The following CYTH1 variants were observed in gnomAD, a reference collection of about 807,000 sequenced individuals.
CYTH1 encodes cytohesin 1.
Under a neutral mutation model 61.8 loss-of-function variants are expected in CYTH1, and 18 were observed. That is an observed-to-expected ratio of 0.29 (90% CI 0.20 to 0.43). The LOEUF (loss-of-function observed/expected upper bound fraction) is 0.43, where lower values mean the gene tolerates loss of function less well. Ranked by LOEUF, CYTH1 falls within the 20% of genes least tolerant of loss-of-function variation. The probability of loss-of-function intolerance (pLI) is 1.00; values close to 1 mark genes in which losing one functional copy is unlikely to be tolerated. For synonymous variants in CYTH1, 174 were observed against 184.3 expected (o/e 0.94, Z 0.45); for missense variants, 336 against 510.5 (o/e 0.66, Z 3.29).
At chr17:78,733,525 C>T (rs573590475) in intron 1 of CYTH1, among the ~76,000 whole-genome samples, 10 of 152,322 alleles carry the variant, frequency 6.6e-5, no homozygotes, top group Admixed American at 2.0e-4. Flanking sequence ...CTGCCATAGG[C>T]GCAGCCTGTG....
intron 1 of CYTH1, among the ~76,000 whole-genome samples, chr17:78,781,004 C>T (rs1416933622): frequency 6.6e-6 from 1 of 150,746 alleles, no homozygotes; most frequent in Non-Finnish European, 1.5e-5. Context: ...AGTGAGACTC[C>T]GTTTCAAAAA....
At chr17:78,778,085 T>C (rs988270030) in intron 1 of CYTH1, among the ~76,000 whole-genome samples, 10 of 151,678 alleles carry the variant, frequency 6.6e-5, no homozygotes, top group African/African-American at 9.7e-5. Flanking sequence ...GGCAGATCAA[T>C]TGAGGTCAGG....
chr17:78,730,022 T>C (rs934237760), intron 1 of CYTH1, among the ~76,000 whole-genome samples: 1 of 152,206 alleles, frequency 6.6e-6, no homozygotes, highest in African/African-American at 2.4e-5. Context: ...CAGCCACTTA[T>C]ATTTGCTCAG....
intron 10 of CYTH1, among the ~76,000 whole-genome samples, chr17:78,693,339 A>T (rs2092907750): frequency 6.6e-6 from 1 of 152,104 alleles, no homozygotes; most frequent in African/African-American, 2.4e-5. Flanking sequence ...CACTGGGGTC[A>T]TGGCTAGGCA....
chr17:78,711,481 T>C (rs1351284823), intron 1 of CYTH1, among the ~76,000 whole-genome samples: 2 of 152,042 alleles, frequency 1.3e-5, no homozygotes, highest in Non-Finnish European at 2.9e-5. Context: ...ATGGCTCATA[T>C]TATATTTCTA....
intron 1 of CYTH1, among the ~76,000 whole-genome samples, chr17:78,753,338 C>G (rs1330184989): frequency 1.3e-5 from 2 of 151,988 alleles, no homozygotes; most frequent in African/African-American, 4.8e-5. Context: ...AAAAACAAGT[C>G]ACAAGGCCGG....
intron 1 of CYTH1, among the ~76,000 whole-genome samples, chr17:78,752,027 C>T (rs1482068590): frequency 5.3e-5 from 8 of 152,200 alleles, no homozygotes; most frequent in Admixed American, 6.5e-5. Flanking sequence ...TGAGCCACCG[C>T]GCCCGGCCTC....
chr17:78,693,212 G>C (rs1382717379), intron 10 of CYTH1, among the ~76,000 whole-genome samples: 1 of 152,180 alleles, frequency 6.6e-6, no homozygotes, highest in East Asian at 1.9e-4. Context: ...TTCTCACCTG[G>C]AGCTTATAAC....
chr17:78,684,605 T>A (rs1238477950), intron 11 of CYTH1, among the ~76,000 whole-genome samples: 1 of 152,212 alleles, frequency 6.6e-6, no homozygotes, highest in East Asian at 1.9e-4. Flanking sequence ...TAGAAAAGAA[T>A]ACAGGTGAAA....
chr17:78,702,563 T>C lies in CYTH1; in HGVS notation c.212A>G (p.Lys71Arg). 6.2e-7 allele frequency: 1 copy of C among 1,614,190 alleles called. No individual in the cohort carries two copies. The highest frequency in any genetic ancestry group is 8.5e-7 in the Non-Finnish European group (1 of 1,180,032). Residue 71 changes from lysine to arginine, a missense_variant, in exon 4 of 14, where the codon AAA (lysine) becomes AGA (arginine). This residue lies in a region of CYTH1 where 112 missense variants were observed against 127.1 expected (regional missense o/e 0.88). Transcript: ENST00000446868. ...QRNKQVAMGR[K>R]KFNMDPKKGI... is the part of the protein sequence containing the mutation. ...CTTTTTAGGGTCCATATTAAATTTT[T>C]TCCTGCCCATGGCTACCTGTTTGTT...
intron 1 of CYTH1, among the ~76,000 whole-genome samples, chr17:78,759,985 A>C (rs1396166180): frequency 6.6e-6 from 1 of 152,134 alleles, no homozygotes; most frequent in Non-Finnish European, 1.5e-5. Context: ...GTATGTACGT[A>C]TTTATTCATT....
At chr17:78,773,571 G>A (rs1010504311) in intron 1 of CYTH1, among the ~76,000 whole-genome samples, 1 of 151,330 alleles carries the variant, frequency 6.6e-6, no homozygotes, top group African/African-American at 2.4e-5. Flanking sequence ...AGATGTTGCA[G>A]TGAGCCGAGA....
intron 8 of CYTH1, 147 bp from the exon 9 acceptor site, chr17:78,698,527 T>G (rs1409680591): frequency 2.8e-6 from 2 of 712,616 alleles, no homozygotes; most frequent in Non-Finnish European, 4.6e-6. Flanking sequence ...TGACCATTTC[T>G]GCTTTCAGGC....
chr17:78,753,214 C>T (rs1302992349), intron 1 of CYTH1, among the ~76,000 whole-genome samples: 6 of 152,100 alleles, frequency 3.9e-5, no homozygotes, highest in Non-Finnish European at 8.8e-5. Context: ...AATCCTAGCA[C>T]GTTGGGAGGC....
intron 7 of CYTH1, 69 bp from the exon 8 acceptor site, chr17:78,699,037 G>A: frequency 1.9e-6 from 3 of 1,548,704 alleles, no homozygotes; most frequent in South Asian, 1.2e-5. Flanking sequence ...CCACCCGCAA[G>A]AGCAAGAGTG....
intron 11 of CYTH1, among the ~76,000 whole-genome samples, chr17:78,684,163 C>T (rs2092792439): frequency 6.6e-6 from 1 of 152,170 alleles, no homozygotes; most frequent in Non-Finnish European, 1.5e-5. Flanking sequence ...TTCCTGGCCC[C>T]CCCTCTTTCC....
chr17:78,759,556 T>A (rs1214106007), intron 1 of CYTH1, among the ~76,000 whole-genome samples: 1 of 152,158 alleles, frequency 6.6e-6, no homozygotes, highest in Admixed American at 6.5e-5. Context: ...ATATACTTGG[T>A]AGCTATAATA....
chr17:78,713,619 C>A (rs191960538), intron 1 of CYTH1, among the ~76,000 whole-genome samples: 3 of 150,412 alleles, frequency 2.0e-5, no homozygotes, highest in African/African-American at 7.4e-5. Flanking sequence ...TAAATCGTTG[C>A]TTTCTTTTCA....
In CYTH1 at chr17:78,716,426, C is replaced by T. The variant is rs547259344; in HGVS notation, c.23-6694G>A. ...TGTGTCCTTGGAGTCAGACAGAAAA[C>T]GCTTCTGGCCAATTTGTAGCTAGAA... is the stretch of plus-strand genomic sequence containing the variant. On this transcript the variant is annotated intron_variant, in intron 1 of 13. Transcript: ENST00000446868. Among the ~76,000 whole-genome samples the T allele has an allele frequency of 4.6e-5, 7 of 152,232 alleles. No homozygotes were observed. In the East Asian group the frequency reaches 7.7e-4, roughly 17 times the overall value.
Sources: gnomAD v4.1 joint callset for allele counts (sites outside exome capture counted in the v4.1 genomes callset) on GRCh38, gnomAD v4.1.1 for gene constraint, gnomAD v4.1.1 regional missense constraint, MANE v1.5 for transcripts, NCBI Gene and HGNC (gene_info 2026-07-23, HGNC 2026-07-21) for gene names.